The following CYLD variants were observed in gnomAD, a reference collection of about 807,000 sequenced individuals.
CYLD encodes ubiquitin carboxyl-terminal hydrolase CYLD.
Under a neutral mutation model 104.5 loss-of-function variants are expected in CYLD, and 26 were observed. That is an observed-to-expected ratio of 0.25 (90% CI 0.18 to 0.35). CYLD has a LOEUF of 0.35. Among genes scored for constraint, CYLD ranks in the 10% least tolerant of loss-of-function variants. The pLI is 1.00. For missense variants in CYLD, 703 were observed against 1,136.1 expected, an observed-to-expected ratio of 0.62 and a Z score of 5.48; for synonymous variants, 385 against 399.9, an observed-to-expected ratio of 0.96 and a Z score of 0.45.
chr16:50,767,791 T>G (rs11863916), intron 5 of CYLD, among the ~76,000 whole-genome samples: 16,118 of 152,180 alleles, frequency 0.11, 2,789 homozygotes, highest in African/African-American at 0.37. Flanking sequence ...CTGTATTTCC[T>G]TCTGTCTATT....
chr16:50,774,733 A>G (rs1969491617), intron 5 of CYLD, among the ~76,000 whole-genome samples: 1 of 152,234 alleles, frequency 6.6e-6, no homozygotes, highest in Non-Finnish European at 1.5e-5. Context: ...ACAGCATGCA[A>G]CTTAAAACTT....
intron 6 of CYLD, 66 bp from the exon 7 acceptor site, chr16:50,776,113 G>A: frequency 8.6e-7 from 1 of 1,165,204 alleles, no homozygotes; most frequent in Admixed American, 1.7e-5. Flanking sequence ...TTTTGTTACT[G>A]TCATTCCTTG....
At chr16:50,757,879 T>C (rs1010531563) in intron 5 of CYLD, among the ~76,000 whole-genome samples, 2 of 152,236 alleles carry the variant, frequency 1.3e-5, no homozygotes, top group African/African-American at 2.4e-5. Flanking sequence ...ATTTATTTTA[T>C]GAATTAAAGT....
At chr16:50,779,545 A>C in intron 8 of CYLD, 120 bp from the exon 9 acceptor site, 1 of 849,948 alleles carries the variant, frequency 1.2e-6, no homozygotes, top group Non-Finnish European at 1.9e-6. Context: ...CTATGAGAGT[A>C]CTATTAATAG....
chr16:50,763,330 A>C (rs766383441), intron 5 of CYLD, among the ~76,000 whole-genome samples: 7 of 152,200 alleles, frequency 4.6e-5, no homozygotes, highest in Non-Finnish European at 1.0e-4. Flanking sequence ...TGCTACAAAC[A>C]TGCATGTACA....
At chr16:50,746,330 G>T (rs1437232706) in intron 2 of CYLD, among the ~76,000 whole-genome samples, 1 of 152,200 alleles carries the variant, frequency 6.6e-6, no homozygotes, top group Non-Finnish European at 1.5e-5. Context: ...GAGTCACTGT[G>T]CCTGGCCGAG....
In CYLD at chr16:50,749,625, A is replaced by G; in HGVS notation, c.-74A>G. On this transcript the variant is annotated 5_prime_UTR_variant, in exon 3 of 19. Coordinates refer to ENST00000427738, the MANE Select transcript of CYLD (RefSeq NM_001378743.1). ...ATGCTTTGGGACTGCCACTGAATTTATCTTTTGCGGTTTTATGACAAAGTT... is the reference window on the plus strand; with the variant it reads ...ATGCTTTGGGACTGCCACTGAATTTGTCTTTTGCGGTTTTATGACAAAGTT... 6.7e-7 allele frequency: 1 copy of G among 1,489,940 alleles called. No individual in the cohort carries two copies. The highest frequency in any genetic ancestry group is 9.2e-7 in the Non-Finnish European group (1 of 1,084,584). The allele number at this position is 1,489,940 out of a possible 1,614,324, so 92.3% of individuals were successfully genotyped here. A position where few individuals can be genotyped will look rare whatever the true frequency, so the allele number is the denominator to read the frequency against.
intron 5 of CYLD, among the ~76,000 whole-genome samples, chr16:50,755,748 ATTTG>A (rs1967159722): frequency 6.6e-6 from 1 of 151,542 alleles, no homozygotes; most frequent in Non-Finnish European, 1.5e-5. Context: ...TTTCTTGCTG[ATTTG>A]TTTGAGTTCT....
chr16:50,768,858 C>T (rs1394177107), intron 5 of CYLD, among the ~76,000 whole-genome samples: 2 of 152,128 alleles, frequency 1.3e-5, no homozygotes, highest in African/African-American at 4.8e-5. Context: ...GGGATCCCTC[C>T]CTCTGCCTCT....
intron 12 of CYLD, chr16:50,786,511 G>C (rs1970836891): frequency 4.4e-6 from 1 of 226,868 alleles, no homozygotes; most frequent in Non-Finnish European, 8.7e-6. Flanking sequence ...TGTAATCCCA[G>C]CACTTTGGGA....
In CYLD at chr16:50,782,473, T is replaced by G. The variant is rs1315117821; in HGVS notation, c.1826+7T>G. The G allele has an allele frequency of 1.9e-5, 31 of 1,613,680 alleles. 1 individual carries two copies. Among genetic ancestry groups the G allele is most frequent in the Non-Finnish European group, 2.3e-5 (27 of 1,179,804 alleles). The stretch of plus-strand genomic sequence containing the variant: ...TAGACTCAACCTTATTCTGGTAAGT[T>G]TAAAAAGAATGCAATAGGTATAGAT... On this transcript the variant is annotated splice_region_variant and intron_variant, in intron 11 of 18. Coordinates refer to ENST00000427738, the MANE Select transcript of CYLD (RefSeq NM_001378743.1).
rs761903963 is a variant in CYLD, at chr16:50,781,268, C to T, written c.1541C>T (p.Thr514Met). 5 of 1,613,864 alleles carry T rather than the reference C, an allele frequency of 3.1e-6. No individual in the cohort carries two copies. Among genetic ancestry groups the T allele is most frequent in the East Asian group, 2.2e-5 (1 of 44,882 alleles). Residue 514 changes from threonine to methionine, a missense_variant, in exon 10 of 19, where the codon ACG (threonine) becomes ATG (methionine). Thr to Met is a moderately conservative substitution (Grantham distance 81). Around this residue, in one of 5 missense-constraint regions of CYLD, gnomAD observed 125 missense variants for 325.4 expected, o/e 0.38. Transcript: ENST00000427738. The part of the protein sequence containing the change: ...LELEDECAGC[T>M]DGTFRGTRYF... ...CAGGAAGATGAGTGTGCAGGCTGTA[C>T]GGATGGAACCTTCAGAGGCACTCGG...
rs1178040063 is a variant in CYLD, at chr16:50,787,640, G to A, written c.2042-146G>A. 8.8e-6 allele frequency: 5 copies of A among 570,352 alleles called. No homozygotes were observed. The Admixed American group carries it at 9.9e-5, about 11-fold the overall frequency. 35.3% of individuals were successfully genotyped at this position (570,352 alleles called of 1,614,324 possible). On this transcript the variant is annotated intron_variant, in intron 13 of 18. Coordinates refer to ENST00000427738, the MANE Select transcript of CYLD (RefSeq NM_001378743.1). ...GTCTTTTATGTTTTTCCTTTGTCAG[G>A]AAAACTTGAAAACTGTGCTTTTAAT...
At chr16:50,771,949 TCACTGCGGCTAA>T (rs1272492865) in intron 5 of CYLD, among the ~76,000 whole-genome samples, 1 of 152,212 alleles carries the variant, frequency 6.6e-6, no homozygotes, top group Non-Finnish European at 1.5e-5. Flanking sequence ...ACAGTCTCGA[TCACTGCGGCTAA>T]CTAGTAAGTC....
chr16:50,742,652 C>T (rs1965806858), intron 1 of CYLD, 110 bp from the exon 2 acceptor site: 1 of 389,362 alleles, frequency 2.6e-6, no homozygotes, highest in Non-Finnish European at 4.5e-6. Flanking sequence ...CTACCGACCG[C>T]GCCGCGGGGC....
At chr16:50,742,559 T>A in intron 1 of CYLD, 3 of 138,724 alleles carry the variant, frequency 2.2e-5, no homozygotes, top group East Asian at 2.3e-4. Flanking sequence ...CCCCACCCCA[T>A]TTACAGATTG....
rs772553748 is a variant in CYLD at position 50,781,211 on chromosome 16, A to G, written c.1519-35A>G. On this transcript the variant is annotated intron_variant, in intron 9 of 18. Coordinates refer to ENST00000427738, the MANE Select transcript of CYLD (RefSeq NM_001378743.1). ...TCTTTGTATACTATCTCTGTAAGGC[A>G]CGGTATAATGCATATTGAAGCATTT... 2.5e-6 allele frequency: 4 copies of G among 1,612,568 alleles called. No homozygotes were observed. In the African/African-American group the frequency reaches 5.3e-5, roughly 22 times the overall value.
At position 50,796,673 on chromosome 16, in the gene CYLD, C is replaced by T; in HGVS notation, c.*165C>T. 7.1e-6 allele frequency: 5 copies of T among 700,130 alleles called. No individual in the cohort carries two copies. The highest frequency in any genetic ancestry group is 1.0e-5 in the Non-Finnish European group (4 of 400,702). The allele number at this position is 700,130 out of a possible 1,614,324, so 43.4% of individuals were successfully genotyped here. Reference sequence around the variant, plus strand: ...TTTAAAAACAAATTGCTTTTGTGTCCCTGAAGTATTTAATAAGAAGCATTT... The same window carrying T: ...TTTAAAAACAAATTGCTTTTGTGTCTCTGAAGTATTTAATAAGAAGCATTT... On this transcript the variant is annotated 3_prime_UTR_variant, in exon 19 of 19. Transcript: ENST00000427738.
intron 14 of CYLD, among the ~76,000 whole-genome samples, chr16:50,790,162 C>T (rs1354250167): frequency 6.6e-6 from 1 of 152,138 alleles, no homozygotes; most frequent in African/African-American, 2.4e-5. Context: ...TAAAAATATT[C>T]AGAATTTCTG....
Sources: allele counts gnomAD v4.1 joint callset (sites outside exome capture counted in the v4.1 genomes callset), GRCh38; gene constraint gnomAD v4.1.1; regional missense constraint gnomAD v4.1.1; transcripts MANE v1.5; gene names NCBI Gene and HGNC (gene_info 2026-07-23, HGNC 2026-07-21).